LRRC39: variants seen among roughly 807,000 people sequenced by gnomAD.
LRRC39 encodes leucine rich repeat containing 39, also known as leucine-rich repeat-containing protein 39.
Under a neutral mutation model 39.7 loss-of-function variants are expected in LRRC39, and 35 were observed. The observed-to-expected ratio is 0.88, with a 90% CI of 0.67 to 1.17. The LOEUF (loss-of-function observed/expected upper bound fraction) is 1.17. Ranked by LOEUF, LRRC39 falls within the 50% of genes most tolerant of loss-of-function variation. The pLI is 0.00. For synonymous variants in LRRC39, 113 were observed against 134.1 expected (o/e 0.84, Z 1.09); for missense variants, 357 against 385.8 (o/e 0.93, Z 0.62).
At chr1:100,156,655 G>A (rs1426156125) in intron 6 of LRRC39, among the ~76,000 whole-genome samples, 1 of 152,086 alleles carries the variant, frequency 6.6e-6, no homozygotes, top group Non-Finnish European at 1.5e-5. Context: ...GTTGAGAATT[G>A]TATGGGAAAA....
chr1:100,168,887 C>A (rs1659419805), intron 2 of LRRC39, among the ~76,000 whole-genome samples: 1 of 151,798 alleles, frequency 6.6e-6, no homozygotes, highest in South Asian at 2.1e-4. Flanking sequence ...TGAAAAACTG[C>A]AACTAGTCTT....
intron 1 of LRRC39, among the ~76,000 whole-genome samples, chr1:100,175,766 GA>G (rs201192261): frequency 2.0e-5 from 3 of 151,330 alleles, no homozygotes; most frequent in Non-Finnish European, 2.9e-5. Context: ...TCCCTGTGGA[GA>G]AAAAAAAATC....
At chr1:100,154,603 C>T (rs928973569) in intron 8 of LRRC39, among the ~76,000 whole-genome samples, 1 of 152,028 alleles carries the variant, frequency 6.6e-6, no homozygotes, top group Admixed American at 6.6e-5. Flanking sequence ...TAATAAGAAA[C>T]AAATTCAATG....
Position 100,149,029 on chromosome 1 carries a change from A to G in LRRC39, c.*13T>C, listed in dbSNP as rs780477899. 1.3e-6 allele frequency: 2 copies of G among 1,563,180 alleles called. No homozygotes were observed. Among genetic ancestry groups the G allele is most frequent in the Non-Finnish European group, 1.7e-6 (2 of 1,159,878 alleles). On this transcript the variant is annotated 3_prime_UTR_variant, in exon 10 of 10. Transcript: ENST00000370137. ...CCAAAGTAATCCTCTTTAGAAGGGC[A>G]TCTTGAATTATATTATCCATCCGTA...
intron 2 of LRRC39, among the ~76,000 whole-genome samples, chr1:100,171,447 G>A (rs1659591082): frequency 6.7e-6 from 1 of 150,168 alleles, no homozygotes; most frequent in South Asian, 2.1e-4. Context: ...AAAGATACCT[G>A]GAAAAAAAGC....
chr1:100,149,590 T>C, intron 9 of LRRC39: 1 of 612,264 alleles, frequency 1.6e-6, no homozygotes, highest in Non-Finnish European at 2.7e-6. Context: ...AGGTCATTTT[T>C]TATATATGTA....
chr1:100,173,884 A>G (rs1426065744), intron 1 of LRRC39, among the ~76,000 whole-genome samples: 1 of 152,210 alleles, frequency 6.6e-6, no homozygotes, highest in Non-Finnish European at 1.5e-5. Flanking sequence ...AATGAACAGA[A>G]TATGTAAAAC....
At chr1:100,154,960 G>T in intron 8 of LRRC39, 91 bp downstream of exon 8, 1 of 1,227,456 alleles carries the variant, frequency 8.1e-7, no homozygotes, top group Non-Finnish European at 1.1e-6. Context: ...AATAACAACT[G>T]AAATTTATTA....
At chr1:100,154,979 C>G (rs1658349948) in intron 8 of LRRC39, 72 bp downstream of exon 8, 1 of 1,325,846 alleles carries the variant, frequency 7.5e-7, no homozygotes, top group African/African-American at 1.5e-5. Context: ...TAATAACAAT[C>G]TCTCTACAGT....
intron 2 of LRRC39, among the ~76,000 whole-genome samples, chr1:100,170,130 C>T (rs1444370908): frequency 2.0e-5 from 3 of 152,070 alleles, no homozygotes; most frequent in Non-Finnish European, 4.4e-5. Flanking sequence ...GGAAAAGATC[C>T]ACTCCTAAGT....
chr1:100,149,402 A>T, intron 9 of LRRC39: 1 of 1,546,016 alleles, frequency 6.5e-7, no homozygotes, highest in Non-Finnish European at 8.7e-7. Flanking sequence ...ATATATTGTC[A>T]GAATCTGTCC....
intron 6 of LRRC39, among the ~76,000 whole-genome samples, chr1:100,157,777 C>G (rs1317857287): frequency 6.6e-6 from 1 of 152,158 alleles, no homozygotes; most frequent in Non-Finnish European, 1.5e-5. Context: ...AAAAGTAATA[C>G]AAATGTCTTT....
At chr1:100,159,791 T>C (rs1658742653) in intron 4 of LRRC39, among the ~76,000 whole-genome samples, 1 of 152,112 alleles carries the variant, frequency 6.6e-6, no homozygotes, top group South Asian at 2.1e-4. Flanking sequence ...ATAATTTCAA[T>C]CAATAATTCA....
chr1:100,160,626 C>CTTTTTT, intron 3 of LRRC39, 55 bp from the exon 4 acceptor site: 1 of 1,118,078 alleles, frequency 8.9e-7, no homozygotes, highest in Non-Finnish European at 1.2e-6. Context: ...GTGGCATTCA[C>CTTTTTT]TTTTTTTTTT....
intron 3 of LRRC39, among the ~76,000 whole-genome samples, chr1:100,167,875 T>A (rs1266365743): frequency 2.0e-5 from 3 of 151,068 alleles, no homozygotes; most frequent in Admixed American, 2.0e-4. Context: ...TATGCATCTA[T>A]GAGGAAAGGG....
In LRRC39 at chr1:100,168,605, C is replaced by A. The variant is rs1256416760; in HGVS notation, c.-78-11G>T. The A allele has an allele frequency of 1.0e-6, 1 of 966,268 alleles. No homozygotes were observed. The highest frequency in any genetic ancestry group is 1.6e-6 in the Non-Finnish European group (1 of 630,710). 59.9% of individuals were successfully genotyped at this position (966,268 alleles called of 1,614,324 possible). ...CATTTCAGAAAGGACCTAAATGTACCAGAGAAAAAAAGCAATGTTTCAGAC... is the reference window on the plus strand; with the variant it reads ...CATTTCAGAAAGGACCTAAATGTACAAGAGAAAAAAAGCAATGTTTCAGAC... On this transcript the variant is annotated splice_polypyrimidine_tract_variant and intron_variant, in intron 2 of 9. Coordinates refer to ENST00000370137, the MANE Select transcript of LRRC39 (RefSeq NM_144620.4).
At chr1:100,171,176 T>C (rs774735053) in intron 2 of LRRC39, among the ~76,000 whole-genome samples, 12 of 152,182 alleles carry the variant, frequency 7.9e-5, no homozygotes, top group African/African-American at 2.4e-5. Context: ...CTTTTAGCAA[T>C]TGGTTGCACA....
chr1:100,175,349 GT>G (rs576646143), intron 1 of LRRC39, among the ~76,000 whole-genome samples: 107 of 133,236 alleles, frequency 8.0e-4, no homozygotes, highest in East Asian at 2.6e-3. Flanking sequence ...CAGTGTGCCA[GT>G]TTTTTTTTTT....
At position 100,148,683 on chromosome 1, in the gene LRRC39, C is replaced by G; in HGVS notation, c.*359G>C. On this transcript the variant is annotated 3_prime_UTR_variant, in exon 10 of 10. Transcript: ENST00000370137. ...GCATCTTTGTAAATTGCTGATTGAC[C>G]AAGGTCGAATCCAGTATTTGCAGCA... The G allele has an allele frequency of 6.2e-7, 1 of 1,613,242 alleles. No individual in the cohort carries two copies. Among genetic ancestry groups the G allele is most frequent in the East Asian group, 2.2e-5 (1 of 44,770 alleles).
Sources: gnomAD v4.1 joint callset for allele counts (sites outside exome capture counted in the v4.1 genomes callset) on GRCh38, gnomAD v4.1.1 for gene constraint, MANE v1.5 for transcripts, NCBI Gene and HGNC (gene_info 2026-07-23, HGNC 2026-07-21) for gene names.